LOC128125822: variants seen among roughly 807,000 people sequenced by gnomAD.
At chr6:63,578,202 T>C in the LOC128125822 span, among the ~76,000 whole-genome samples, 23 of 152,362 alleles carry the variant, frequency 1.5e-4, no homozygotes, top group Admixed American at 1.2e-3. Flanking sequence ...AGGAAAACTT[T>C]TCCAGTTTAT....
the LOC128125822 span, chr6:63,583,451 T>C: frequency 6.6e-6 from 1 of 152,202 alleles, no homozygotes; most frequent in African/African-American, 2.4e-5. Flanking sequence ...GGAAGGAAAG[T>C]AAGGGAAAAA....
chr6:63,573,826 C>G, the LOC128125822 span, among the ~76,000 whole-genome samples: 14 of 152,176 alleles, frequency 9.2e-5, no homozygotes, highest in African/African-American at 2.4e-4. Flanking sequence ...AAGGACTTCC[C>G]GTCCGGGCAC....
At chr6:63,572,545 G>T in the LOC128125822 span, 566 of 396,348 alleles carry the variant, frequency 1.4e-3, 4 homozygotes, top group Middle Eastern at 0.016. Flanking sequence ...GCTCCGAGCC[G>T]CTCACTGCAT....
At chr6:63,573,091 C>T in the LOC128125822 span, 1 of 176,382 alleles carries the variant, frequency 5.7e-6, no homozygotes, top group Non-Finnish European at 1.2e-5. Flanking sequence ...TGACCGCCGC[C>T]TCCGCCCTTG....
At chr6:63,582,348 A>G in the LOC128125822 span, 1 of 152,642 alleles carries the variant, frequency 6.6e-6, no homozygotes, top group Non-Finnish European at 1.5e-5. Context: ...CTATCTTTTG[A>G]GTTTGAAAAG....
At chr6:63,580,965 A>G in the LOC128125822 span, 1 of 152,432 alleles carries the variant, frequency 6.6e-6, no homozygotes, top group African/African-American at 2.4e-5. Flanking sequence ...ATTTTTAGCA[A>G]AATGTTGCCT....
At chr6:63,576,063 GATA>G in the LOC128125822 span, among the ~76,000 whole-genome samples, 1 of 150,360 alleles carries the variant, frequency 6.7e-6, no homozygotes, top group Admixed American at 6.7e-5. Context: ...TATCGAAAGG[GATA>G]ATTATTAGAA....
chr6:63,579,393 G>A, the LOC128125822 span: 1 of 1,279,382 alleles, frequency 7.8e-7, no homozygotes, highest in Non-Finnish European at 1.1e-6. Flanking sequence ...GTGTCAGTGA[G>A]TTTAATAGTC....
chr6:63,576,897 G>A, the LOC128125822 span: 2 of 1,613,122 alleles, frequency 1.2e-6, no homozygotes, highest in Admixed American at 1.7e-5. Context: ...CGAATGAACC[G>A]CCCAGCTCCT....
chr6:63,578,177 A>G, the LOC128125822 span, among the ~76,000 whole-genome samples: 1 of 152,248 alleles, frequency 6.6e-6, no homozygotes, highest in Non-Finnish European at 1.5e-5. Context: ...GGGGGCACAC[A>G]ATTTAAACAA....
the LOC128125822 span, chr6:63,576,322 T>C: frequency 2.6e-6 from 1 of 391,662 alleles, no homozygotes; most frequent in Non-Finnish European, 4.5e-6. Flanking sequence ...ATGAAGCGGC[T>C]CAGGCCCTGC....
At chr6:63,579,261 C>G in the LOC128125822 span, 1 of 1,609,192 alleles carries the variant, frequency 6.2e-7, no homozygotes, top group Non-Finnish European at 8.5e-7. Context: ...CACCAGAGCT[C>G]CAGTACTTGT....
the LOC128125822 span, chr6:63,578,782 T>C: frequency 8.4e-7 from 1 of 1,191,618 alleles, no homozygotes; most frequent in Non-Finnish European, 1.1e-6. Flanking sequence ...TAATAAGATT[T>C]GATTAAACAT....
chr6:63,576,852 C>T, the LOC128125822 span: 1 of 1,553,906 alleles, frequency 6.4e-7, no homozygotes, highest in Non-Finnish European at 8.8e-7. Flanking sequence ...ATTTCATAAC[C>T]CTATTGAGTG....
the LOC128125822 span, chr6:63,583,015 A>G: frequency 6.6e-6 from 1 of 152,158 alleles, no homozygotes; most frequent in African/African-American, 2.4e-5. Context: ...CATCTGGTAA[A>G]TATCTACTGT....
the LOC128125822 span, chr6:63,572,581 G>A: frequency 3.1e-5 from 13 of 414,630 alleles, no homozygotes; most frequent in Non-Finnish European, 5.0e-5. Context: ...CCCCGCCGCC[G>A]CCTGCATCGC....
At chr6:63,575,203 C>G in the LOC128125822 span, among the ~76,000 whole-genome samples, 9 of 152,246 alleles carry the variant, frequency 5.9e-5, no homozygotes, top group South Asian at 1.9e-3. Flanking sequence ...ACTTCAAATG[C>G]TTAAATTTAA....
At chr6:63,578,839 A>G in the LOC128125822 span, 3 of 1,369,186 alleles carry the variant, frequency 2.2e-6, no homozygotes, top group Admixed American at 2.7e-5. Context: ...GAAATTTAGA[A>G]TTATTACTAC....
At chr6:63,583,242 G>A in the LOC128125822 span, 2 of 152,138 alleles carry the variant, frequency 1.3e-5, no homozygotes, top group Non-Finnish European at 2.9e-5. Context: ...TCAAAGTTAA[G>A]TTTTAAACAA....
Sources: allele counts gnomAD v4.1 joint callset (sites outside exome capture counted in the v4.1 genomes callset), GRCh38; gene constraint gnomAD v4.1.1; transcripts MANE v1.5.